The following SLC28A1 variants were observed in gnomAD, a reference collection of about 807,000 sequenced individuals.
SLC28A1 encodes the protein solute carrier family 28 member 1, also known as sodium/nucleoside cotransporter 1.
SLC28A1 carries 64 observed loss-of-function variants against 74.8 expected under a neutral mutation model. The ratio of observed to expected loss-of-function variants is 0.86; its 90% confidence interval spans 0.70 to 1.05. SLC28A1 has a LOEUF of 1.05. Ranked by LOEUF, SLC28A1 falls within the 50% of genes least tolerant of loss-of-function variation. The pLI is 0.00. For missense variants in SLC28A1, 828 were observed against 822.8 expected (o/e 1.01, Z -0.08); for synonymous variants, 359 against 335.0 (o/e 1.07, Z -0.78).
At chr15:84,958,605 G>A in the SLC28A1 span, among the ~76,000 whole-genome samples, 2 of 151,994 alleles carry the variant, frequency 1.3e-5, no homozygotes, top group Non-Finnish European at 2.9e-5. Flanking sequence ...CCAGCCTGGA[G>A]TACAGTGGTG....
At chr15:84,901,543 A>G (rs1216440629) in intron 6 of SLC28A1, among the ~76,000 whole-genome samples, 1 of 152,128 alleles carries the variant, frequency 6.6e-6, no homozygotes, top group Admixed American at 6.6e-5. Flanking sequence ...AACAAAAAAC[A>G]AAAAAAGGCT....
At chr15:84,946,592 C>T (rs77757604), downstream of SLC28A1, among the ~76,000 whole-genome samples, 1,618 of 152,164 alleles carry the variant, frequency 0.011, 34 homozygotes, top group African/African-American at 0.037. Context: ...GTGCCCCGAG[C>T]CCATCTGAGG....
At chr15:84,928,523 G>T (rs7181067) in intron 12 of SLC28A1, among the ~76,000 whole-genome samples, 12,022 of 39,376 alleles carry the variant, frequency 0.31, 1,481 homozygotes, top group Middle Eastern at 0.36. Flanking sequence ...TCCCAGGTTC[G>T]TTCGTTCTTT....
intron 1 of SLC28A1, chr15:84,886,448 G>A: frequency 2.0e-6 from 2 of 985,462 alleles, no homozygotes; most frequent in Non-Finnish European, 2.4e-6. Context: ...GCCTGGAAGA[G>A]GTCAGTTTGG....
chr15:84,961,137 T>C, the SLC28A1 span, among the ~76,000 whole-genome samples: 1 of 152,196 alleles, frequency 6.6e-6, no homozygotes, highest in Non-Finnish European at 1.5e-5. Flanking sequence ...GCATTAACTC[T>C]GATAATGCAG....
At chr15:84,886,512 G>A in intron 1 of SLC28A1, 160 bp from the exon 2 acceptor site, 1 of 985,426 alleles carries the variant, frequency 1.0e-6, no homozygotes, top group Non-Finnish European at 1.2e-6. Context: ...AGCAGCCAGT[G>A]GGCAGGAGCT....
chr15:84,964,305 A>T, the SLC28A1 span, among the ~76,000 whole-genome samples: 2 of 149,980 alleles, frequency 1.3e-5, no homozygotes, highest in Non-Finnish European at 2.9e-5. Context: ...GGAAGGAAGA[A>T]GAAAAGAAGA....
intron 6 of SLC28A1, among the ~76,000 whole-genome samples, chr15:84,897,327 A>G (rs143898158): frequency 0.011 from 1,622 of 152,164 alleles, 104 homozygotes; most frequent in Admixed American, 0.098. Flanking sequence ...CAGAGGTTGC[A>G]GTGAGCCAAC....
intron 4 of SLC28A1, among the ~76,000 whole-genome samples, chr15:84,889,709 TTTCCTTCCTTCCTTCCTTCCTTCC>T (rs1327916243): frequency 3.7e-4 from 10 of 27,088 alleles, no homozygotes; most frequent in Non-Finnish European, 1.2e-3. Flanking sequence ...TCCTTCCTTC[TTTCCTTCCTTCCTTCCTTCCTTCC>T]TTCCTTCCTT....
At chr15:84,896,330 T>C (rs1965992907) in intron 6 of SLC28A1, among the ~76,000 whole-genome samples, 1 of 152,202 alleles carries the variant, frequency 6.6e-6, no homozygotes, top group South Asian at 2.1e-4. Flanking sequence ...AAAAAGCTCA[T>C]GCAAATGTGC....
downstream of SLC28A1, among the ~76,000 whole-genome samples, chr15:84,950,165 C>G (rs530891954): frequency 6.6e-6 from 1 of 152,282 alleles, no homozygotes; most frequent in East Asian, 1.9e-4. Flanking sequence ...GGATTGAACC[C>G]TGTCTCTGCT....
chr15:84,895,491 C>G (rs147021727), intron 6 of SLC28A1: 16 of 1,600,856 alleles, frequency 1.0e-5, no homozygotes, highest in Middle Eastern at 2.0e-4. Flanking sequence ...TCAGCAGGCT[C>G]GATCGGGGTC....
intron 12 of SLC28A1, among the ~76,000 whole-genome samples, chr15:84,930,614 C>CT (rs10609233): frequency 0.1 from 10,529 of 103,440 alleles, 789 homozygotes; most frequent in African/African-American, 0.15. Context: ...CTGCCCTCTG[C>CT]TTTTTTTTTT....
At chr15:84,966,661 G>T in the SLC28A1 span, among the ~76,000 whole-genome samples, 1 of 152,212 alleles carries the variant, frequency 6.6e-6, no homozygotes, top group African/African-American at 2.4e-5. Context: ...ATGGCAGAAG[G>T]TGAAAGGCAC....
chr15:84,900,567 G>A (rs1334125170), intron 6 of SLC28A1, among the ~76,000 whole-genome samples: 1 of 152,102 alleles, frequency 6.6e-6, no homozygotes, highest in Non-Finnish European at 1.5e-5. Flanking sequence ...GTGAGGCTGA[G>A]CTAGGAGGAC....
chr15:84,926,802 AG>A (rs544419272), intron 12 of SLC28A1, among the ~76,000 whole-genome samples: 21,799 of 108,052 alleles, frequency 0.2, 2,063 homozygotes, highest in South Asian at 0.43. Flanking sequence ...GGGTGGGGGG[AG>A]GGGGGGGGTG....
intron 12 of SLC28A1, among the ~76,000 whole-genome samples, chr15:84,932,313 G>A (rs377630529): frequency 1.3e-5 from 2 of 152,148 alleles, no homozygotes; most frequent in Non-Finnish European, 2.9e-5. Context: ...AGGGGGAAAC[G>A]TGTCATATTT....
chr15:84,890,662 C>A, intron 5 of SLC28A1, 128 bp downstream of exon 5: 2 of 787,418 alleles, frequency 2.5e-6, no homozygotes, highest in Non-Finnish European at 2.1e-6. Context: ...TCAGGTCCAG[C>A]TCCCTTGCTG....
chr15:84,910,241 G>A (rs543488945), intron 9 of SLC28A1, among the ~76,000 whole-genome samples: 3 of 152,204 alleles, frequency 2.0e-5, no homozygotes, highest in Non-Finnish European at 4.4e-5. Flanking sequence ...AATATTGGGA[G>A]GGGGAGCCTA....
Sources: allele counts gnomAD v4.1 joint callset (sites outside exome capture counted in the v4.1 genomes callset), GRCh38; gene constraint gnomAD v4.1.1; transcripts MANE v1.5; gene names NCBI Gene and HGNC (gene_info 2026-07-23, HGNC 2026-07-21).